The following KCNIP1 variants were observed in gnomAD, a reference collection of about 807,000 sequenced individuals.
KCNIP1 encodes the protein A-type potassium channel modulatory protein KCNIP1.
Under a neutral mutation model 33.0 loss-of-function variants are expected in KCNIP1, and 18 were observed. The observed-to-expected ratio is 0.55, with a 90% CI of 0.38 to 0.81. The LOEUF (loss-of-function observed/expected upper bound fraction) is 0.81. Ranked by LOEUF, KCNIP1 falls within the 30% of genes least tolerant of loss-of-function variation. The probability of loss-of-function intolerance (pLI) is 0.00; values close to 1 mark genes in which losing one functional copy is unlikely to be tolerated. For missense variants in KCNIP1, 238 were observed against 271.6 expected, an observed-to-expected ratio of 0.88 and a Z score of 0.87; for synonymous variants, 93 against 98.3, an observed-to-expected ratio of 0.95 and a Z score of 0.32.
chr5:170,353,905 T>C (rs1763277062), exon 1 of KCNIP1: 6 of 1,614,196 alleles, frequency 3.7e-6, no homozygotes, highest in Non-Finnish European at 5.1e-6. Flanking sequence ...AGATGCAAGC[T>C]TGGGTTCGTG....
rs145073913 is a variant in KCNIP1 at position 170,585,693 on chromosome 5, G to A, written c.61+81060G>A. Among the ~76,000 whole-genome samples the A allele has an allele frequency of 1.7e-3, 254 of 152,312 alleles. 2 individuals are homozygous for A. Among genetic ancestry groups the A allele is most frequent in the African/African-American group, 5.8e-3 (243 of 41,564 alleles). ...AGAACTTGGGGCTGATAATGGCATC[G>A]TGAATAGAGGAAATTAGAGCTGAAT... On this transcript the variant is annotated intron_variant, in intron 1 of 7. Transcript: ENST00000328939.
At chr5:170,441,703 C>A (rs543319163) in intron 1 of KCNIP1, among the ~76,000 whole-genome samples, 8 of 152,036 alleles carry the variant, frequency 5.3e-5, no homozygotes, top group Non-Finnish European at 1.2e-4. Context: ...CCGTGGCTCA[C>A]GCCTGTAATC....
intron 1 of KCNIP1, among the ~76,000 whole-genome samples, chr5:170,707,667 C>T (rs1313201969): frequency 6.6e-6 from 1 of 152,078 alleles, no homozygotes; most frequent in Non-Finnish European, 1.5e-5. Context: ...CTGAAGGTCA[C>T]ATTAAAAACA....
intron 1 of KCNIP1, among the ~76,000 whole-genome samples, chr5:170,385,147 C>T (rs543719819): frequency 6.6e-6 from 1 of 152,256 alleles, no homozygotes; most frequent in African/African-American, 2.4e-5. Context: ...TCAGTTCATC[C>T]TACCTTCCCT....
intron 1 of KCNIP1, among the ~76,000 whole-genome samples, chr5:170,507,753 G>A (rs1481543893): frequency 6.6e-6 from 1 of 152,212 alleles, no homozygotes; most frequent in African/African-American, 2.4e-5. Context: ...CCCAACCTGG[G>A]TGTTCAGGGA....
At chr5:170,474,497 G>A (rs750606485) in intron 1 of KCNIP1, among the ~76,000 whole-genome samples, 2 of 152,172 alleles carry the variant, frequency 1.3e-5, no homozygotes, top group African/African-American at 2.4e-5. Flanking sequence ...GTTAACCACC[G>A]TTCCCTCCCC....
chr5:170,429,035 G>A (rs894403440), intron 1 of KCNIP1, among the ~76,000 whole-genome samples: 4 of 152,062 alleles, frequency 2.6e-5, no homozygotes, highest in African/African-American at 4.8e-5. Flanking sequence ...AGGTTGCGGT[G>A]AGCCGAGATC....
At chr5:170,398,914 C>T (rs1181759568) in intron 1 of KCNIP1, among the ~76,000 whole-genome samples, 2 of 152,152 alleles carry the variant, frequency 1.3e-5, no homozygotes, top group Non-Finnish European at 2.9e-5. Flanking sequence ...CTGATCCAGA[C>T]ACCTAGAGTG....
chr5:170,693,464 T>A (rs1337543721), intron 1 of KCNIP1, among the ~76,000 whole-genome samples: 1 of 152,110 alleles, frequency 6.6e-6, no homozygotes, highest in East Asian at 1.9e-4. Flanking sequence ...GAAGTGAGTG[T>A]TCTTCACAGA....
chr5:170,583,255 G>A (rs973146557), intron 1 of KCNIP1, among the ~76,000 whole-genome samples: 1 of 152,154 alleles, frequency 6.6e-6, no homozygotes, highest in African/African-American at 2.4e-5. Context: ...ATGACCACTA[G>A]CATCTAAGTT....
At chr5:170,545,701 T>C (rs1756384739) in intron 1 of KCNIP1, among the ~76,000 whole-genome samples, 1 of 152,220 alleles carries the variant, frequency 6.6e-6, no homozygotes, top group African/African-American at 2.4e-5. Flanking sequence ...TCCAAGTAAC[T>C]ATTAACAGAT....
chr5:170,361,715 G>A (rs1383943750), intron 1 of KCNIP1, among the ~76,000 whole-genome samples: 1 of 152,150 alleles, frequency 6.6e-6, no homozygotes, highest in Admixed American at 6.5e-5. Flanking sequence ...ACTTCTCGTG[G>A]GGACTCTTCC....
chr5:170,384,912 G>A (rs879579469), intron 1 of KCNIP1, among the ~76,000 whole-genome samples: 2 of 152,208 alleles, frequency 1.3e-5, no homozygotes, highest in Admixed American at 6.5e-5. Context: ...TTCATCAGGA[G>A]GCTGGATGCC....
At chr5:170,428,102 G>A (rs1264750495) in intron 1 of KCNIP1, among the ~76,000 whole-genome samples, 1 of 152,120 alleles carries the variant, frequency 6.6e-6, no homozygotes, top group Non-Finnish European at 1.5e-5. Flanking sequence ...TTCTAATGTG[G>A]GTGTGTCCCA....
intron 1 of KCNIP1, among the ~76,000 whole-genome samples, chr5:170,692,411 G>C (rs773622814): frequency 1.3e-5 from 2 of 152,144 alleles, no homozygotes; most frequent in Non-Finnish European, 2.9e-5. Context: ...AAGCAGCTCC[G>C]GAAATAATAG....
intron 1 of KCNIP1, among the ~76,000 whole-genome samples, chr5:170,583,037 T>C (rs1035176032): frequency 2.6e-5 from 4 of 152,170 alleles, no homozygotes; most frequent in Non-Finnish European, 4.4e-5. Flanking sequence ...ACGATAAAAA[T>C]GGAAGTTCTC....
At chr5:170,612,156 G>C (rs149546609) in intron 1 of KCNIP1, among the ~76,000 whole-genome samples, 1 of 152,204 alleles carries the variant, frequency 6.6e-6, no homozygotes, top group African/African-American at 2.4e-5. Context: ...AAACCAGACA[G>C]ACAGACACCC....
At chr5:170,665,031 C>T (rs997034039) in intron 1 of KCNIP1, among the ~76,000 whole-genome samples, 6 of 152,132 alleles carry the variant, frequency 3.9e-5, no homozygotes, top group African/African-American at 1.4e-4. Flanking sequence ...GCTTGGAAGA[C>T]CTGTGTGGGA....
At chr5:170,385,186 G>A (rs1220197270) in intron 1 of KCNIP1, 5 of 1,004,718 alleles carry the variant, frequency 5.0e-6, no homozygotes, top group Admixed American at 2.0e-5. Flanking sequence ...CTAAGAATGA[G>A]CATCGTCTTG....
Sources: gnomAD v4.1 joint callset for allele counts (sites outside exome capture counted in the v4.1 genomes callset) on GRCh38, gnomAD v4.1.1 for gene constraint, MANE v1.5 for transcripts, NCBI Gene and HGNC (gene_info 2026-07-23, HGNC 2026-07-21) for gene names.